WWOX: variants seen among roughly 807,000 people sequenced by gnomAD.
WWOX encodes WW domain containing oxidoreductase, also known as WW domain-containing oxidoreductase.
Under a neutral mutation model 46.2 loss-of-function variants are expected in WWOX, and 69 were observed. That is an observed-to-expected ratio of 1.49 (90% CI 1.23 to 1.82). The LOEUF is 1.82. WWOX is among the 40% of genes most tolerant of loss of function. The pLI, the probability that WWOX is intolerant of heterozygous loss-of-function variation, is 0.00. For synonymous variants in WWOX, 359 were observed against 202.6 expected (o/e 1.77, Z -6.56); for missense variants, 919 against 542.6 (o/e 1.69, Z -6.89).
intron 8 of WWOX, among the ~76,000 whole-genome samples, chr16:78,959,100 A>G (rs984186108): frequency 5.9e-5 from 9 of 152,234 alleles, no homozygotes; most frequent in African/African-American, 9.6e-5. Context: ...TAGTAAGACC[A>G]TCTTCCAATT....
At chr16:78,945,694 C>A (rs966830154) in intron 8 of WWOX, among the ~76,000 whole-genome samples, 3 of 151,800 alleles carry the variant, frequency 2.0e-5, no homozygotes, top group Non-Finnish European at 4.4e-5. Flanking sequence ...CTTGTATGCC[C>A]CCCTTTCTCC....
intron 8 of WWOX, among the ~76,000 whole-genome samples, chr16:78,995,036 A>C (rs779306055): frequency 9.8e-5 from 13 of 132,578 alleles, no homozygotes; most frequent in Admixed American, 2.7e-4. Context: ...CAATGCGCTG[A>C]GAAAGGATTC....
At chr16:78,806,207 A>C (rs1473439949) in intron 8 of WWOX, among the ~76,000 whole-genome samples, 3 of 152,136 alleles carry the variant, frequency 2.0e-5, no homozygotes, top group Non-Finnish European at 4.4e-5. Flanking sequence ...TACAACCAAG[A>C]CCTTGAACTT....
At chr16:78,102,019 C>T (rs1169059080) in intron 1 of WWOX, among the ~76,000 whole-genome samples, 2 of 152,128 alleles carry the variant, frequency 1.3e-5, no homozygotes, top group Non-Finnish European at 1.5e-5. Flanking sequence ...TTCCTGGGCT[C>T]AAGCGATCCT....
chr16:79,044,196 G>A (rs1311913810), intron 8 of WWOX, among the ~76,000 whole-genome samples: 1 of 152,168 alleles, frequency 6.6e-6, no homozygotes, highest in Admixed American at 6.5e-5. Flanking sequence ...GGCCCACAGT[G>A]TAGGCATTCA....
chr16:78,303,568 G>C (rs1406619416), intron 5 of WWOX, among the ~76,000 whole-genome samples: 1 of 152,026 alleles, frequency 6.6e-6, no homozygotes, highest in African/African-American at 2.4e-5. Flanking sequence ...TTTTGAGATG[G>C]TGTTTCGCTC....
intron 8 of WWOX, among the ~76,000 whole-genome samples, chr16:78,820,825 G>C (rs986227499): frequency 1.3e-5 from 2 of 152,136 alleles, no homozygotes; most frequent in African/African-American, 4.8e-5. Context: ...GAGAAACCAT[G>C]CCATGCCTGT....
intron 8 of WWOX, among the ~76,000 whole-genome samples, chr16:78,791,119 G>C (rs960676292): frequency 6.6e-6 from 1 of 152,048 alleles, no homozygotes; most frequent in Non-Finnish European, 1.5e-5. Context: ...CAGGGAAGAA[G>C]GGGGTTGGAG....
At chr16:78,798,803 TATTG>T (rs2050810757) in intron 8 of WWOX, among the ~76,000 whole-genome samples, 2 of 152,212 alleles carry the variant, frequency 1.3e-5, no homozygotes, top group African/African-American at 4.8e-5. Context: ...GACACTGGTC[TATTG>T]AGAGACTTAG....
At chr16:78,923,066 C>G (rs2045416577) in intron 8 of WWOX, among the ~76,000 whole-genome samples, 1 of 151,172 alleles carries the variant, frequency 6.6e-6, no homozygotes, top group South Asian at 2.1e-4. Flanking sequence ...ACCTCAACCT[C>G]TGCCTCTTGG....
intron 8 of WWOX, among the ~76,000 whole-genome samples, chr16:79,152,721 A>G (rs2050305910): frequency 6.6e-6 from 1 of 151,918 alleles, no homozygotes; most frequent in Non-Finnish European, 1.5e-5. Context: ...ATGCCCAAAC[A>G]GAGTGGCCAG....
rs57749157 is a variant in WWOX, at chr16:78,747,370, TC to T, written c.1056+314619del. ...CCACACCTGTCTAATTTCTTATCTT[TC>T]TAACACAGTTTAAATATCACTTTCT... On this transcript the variant is annotated intron_variant, in intron 8 of 8. Transcript: ENST00000566780. 7.1e-3 allele frequency among the ~76,000 whole-genome samples: 1,084 copies of T among 152,152 alleles called. 8 individuals are homozygous for T. Among genetic ancestry groups the T allele is most frequent in the African/African-American group, 0.025 (1,022 of 41,518 alleles).
In WWOX at chr16:79,212,236, C is replaced by T. The variant is rs1423638313; in HGVS notation, c.*440C>T. 1.5e-6 allele frequency: 2 copies of T among 1,357,052 alleles called. No homozygotes were observed. Among genetic ancestry groups the T allele is most frequent in the Non-Finnish European group, 1.9e-6 (2 of 1,028,348 alleles). The allele number at this position is 1,357,052 out of a possible 1,614,324, so 84.1% of individuals were successfully genotyped here. On this transcript the variant is annotated 3_prime_UTR_variant, in exon 9 of 9. Transcript: ENST00000566780. Reference sequence around the variant, plus strand: ...AAAAGCAAGTGTTCACTGCTCCTTGCTGCATTGATCCAGGAGATAATTGTT... The same window carrying T: ...AAAAGCAAGTGTTCACTGCTCCTTGTTGCATTGATCCAGGAGATAATTGTT...
At chr16:78,961,765 C>G (rs2046275253) in intron 8 of WWOX, among the ~76,000 whole-genome samples, 1 of 152,100 alleles carries the variant, frequency 6.6e-6, no homozygotes, top group South Asian at 2.1e-4. Flanking sequence ...GGAACTTTAT[C>G]TTTTAAACAA....
At chr16:78,610,330 A>G (rs1243697892) in intron 8 of WWOX, among the ~76,000 whole-genome samples, 1 of 152,224 alleles carries the variant, frequency 6.6e-6, no homozygotes, top group Non-Finnish European at 1.5e-5. Context: ...AGAGGGGGAA[A>G]AAAAGATTCA....
chr16:78,929,047 C>A (rs2045562929), intron 8 of WWOX, among the ~76,000 whole-genome samples: 1 of 152,050 alleles, frequency 6.6e-6, no homozygotes, highest in Non-Finnish European at 1.5e-5. Flanking sequence ...AAAGAATTTC[C>A]TTTTTGCCTT....
chr16:78,781,648 T>G (rs983021757), intron 8 of WWOX, among the ~76,000 whole-genome samples: 1 of 152,140 alleles, frequency 6.6e-6, no homozygotes, highest in African/African-American at 2.4e-5. Context: ...TGGGCCGGGC[T>G]TGGTGGCTCA....
intron 6 of WWOX, among the ~76,000 whole-genome samples, chr16:78,414,793 T>C (rs2151952308): frequency 6.6e-6 from 1 of 152,288 alleles, no homozygotes; most frequent in Admixed American, 6.5e-5. Flanking sequence ...AAGCTGTTAT[T>C]TAAACTATAA....
intron 8 of WWOX, among the ~76,000 whole-genome samples, chr16:78,906,330 C>A (rs1441631354): frequency 6.6e-6 from 1 of 152,170 alleles, no homozygotes; most frequent in Non-Finnish European, 1.5e-5. Flanking sequence ...GACTTTGTTA[C>A]TGGGCAAAGA....
Sources: gnomAD v4.1 joint callset for allele counts (sites outside exome capture counted in the v4.1 genomes callset) on GRCh38, gnomAD v4.1.1 for gene constraint, MANE v1.5 for transcripts, NCBI Gene and HGNC (gene_info 2026-07-23, HGNC 2026-07-21) for gene names.